NRG1: variants seen among roughly 807,000 people sequenced by gnomAD.
NRG1 encodes the protein neuregulin 1.
A neutral mutation model predicts 63.8 loss-of-function variants in NRG1; 18 were observed. The observed-to-expected ratio is 0.28, with a 90% CI of 0.19 to 0.42. The LOEUF (loss-of-function observed/expected upper bound fraction) is 0.42, where lower values mean the gene tolerates loss of function less well. NRG1 is among the 10% of genes least tolerant of loss of function. The probability of loss-of-function intolerance (pLI) is 1.00; values close to 1 mark genes in which losing one functional copy is unlikely to be tolerated. For missense variants in NRG1, 762 were observed against 814.7 expected (o/e 0.94, Z 0.79); for synonymous variants, 302 against 301.3 (o/e 1.00, Z -0.02).
intron 1 of NRG1, among the ~76,000 whole-genome samples, chr8:31,735,771 C>T (rs751516860): frequency 4.6e-5 from 7 of 152,276 alleles, no homozygotes; most frequent in Admixed American, 3.3e-4. Flanking sequence ...CCCACAGCCT[C>T]GCAAGATGGC....
intron 1 of NRG1, among the ~76,000 whole-genome samples, chr8:32,405,190 G>T (rs1421520994): frequency 6.6e-6 from 1 of 152,148 alleles, no homozygotes; most frequent in Non-Finnish European, 1.5e-5. Context: ...GAAGTTATGT[G>T]TTCTCTCTTC....
intron 1 of NRG1, among the ~76,000 whole-genome samples, chr8:32,249,761 A>G (rs1848915061): frequency 6.6e-6 from 1 of 152,152 alleles, no homozygotes; most frequent in African/African-American, 2.4e-5. Context: ...TGAGTAAACA[A>G]AGATCCCAGT....
Position 32,706,573 on chromosome 8 carries a change from T to TGTG in NRG1, c.503-21376_503-21375insGTG, listed in dbSNP as rs1816487676. Among the ~76,000 whole-genome samples, 10 of 140,564 alleles carry TGTG rather than the reference T, an allele frequency of 7.1e-5. No homozygotes were observed. In the South Asian group the frequency reaches 2.3e-3, roughly 33 times the overall value. 92.2% of individuals were successfully genotyped at this position (140,564 alleles called of 152,430 possible). A position where few individuals can be genotyped will look rare whatever the true frequency, so the allele number is the denominator to read the frequency against. On this transcript the variant is annotated intron_variant, in intron 5 of 11. Transcript: ENST00000356819. ...TATAGGTGTGTGTGTGTGTGTGTGT[T>TGTG]TGTGTGTAATTTTACAAGACTGTAG...
chr8:32,728,432 A>G (rs193271535), intron 6 of NRG1: 1 of 985,292 alleles, frequency 1.0e-6, no homozygotes, highest in African/African-American at 1.7e-5. Flanking sequence ...TCTACATCCA[A>G]TGTATGAATT....
At chr8:32,489,798 G>A (rs115718602) in intron 1 of NRG1, among the ~76,000 whole-genome samples, 1,775 of 152,166 alleles carry the variant, frequency 0.012, 30 homozygotes, top group African/African-American at 0.041. Context: ...TGTCATCACC[G>A]CCACTTTAAT....
At position 32,552,142 on chromosome 8, in the gene NRG1, C is replaced by T. The variant is rs562624166; in HGVS notation, c.100+3316C>T. Among the ~76,000 whole-genome samples, 28 of 151,204 alleles carry T rather than the reference C, an allele frequency of 1.9e-4. No homozygotes were observed. In the East Asian group the frequency reaches 3.5e-3, roughly 19 times the overall value. ...GCCAGGATGGTGTCGATCTCTTGACCTCGCAATCCACATGCCTCGGCCTCC... is the reference window on the plus strand; with the variant it reads ...GCCAGGATGGTGTCGATCTCTTGACTTCGCAATCCACATGCCTCGGCCTCC... On this transcript the variant is annotated intron_variant, in intron 1 of 11. Transcript: ENST00000356819.
intron 1 of NRG1, among the ~76,000 whole-genome samples, chr8:31,690,056 A>G (rs1809332132): frequency 6.6e-6 from 1 of 152,172 alleles, no homozygotes. Flanking sequence ...TTTTACCTCC[A>G]TGCTTTTCTC....
intron 1 of NRG1, among the ~76,000 whole-genome samples, chr8:32,565,414 C>G (rs914679528): frequency 1.3e-5 from 2 of 152,186 alleles, no homozygotes; most frequent in African/African-American, 4.8e-5. Context: ...AACCATTATG[C>G]CCGGTCTAGA....
chr8:32,561,605 T>G (rs1836413200), intron 1 of NRG1, among the ~76,000 whole-genome samples: 1 of 152,198 alleles, frequency 6.6e-6, no homozygotes, highest in South Asian at 2.1e-4. Flanking sequence ...GTAAATTATG[T>G]GCATGCAAAA....
intron 1 of NRG1, among the ~76,000 whole-genome samples, chr8:32,484,468 A>T (rs905606174): frequency 5.9e-5 from 9 of 152,246 alleles, no homozygotes; most frequent in African/African-American, 2.2e-4. Context: ...AGAAGTTGAC[A>T]TGGGCTTTGA....
intron 2 of NRG1, 59 bp downstream of exon 2, chr8:32,596,064 G>A: frequency 7.4e-7 from 1 of 1,345,814 alleles, no homozygotes; most frequent in South Asian, 1.5e-5. Flanking sequence ...ACATATAAAT[G>A]TTATTTAGAC....
rs144669970 is a variant in NRG1 at position 32,162,243 on chromosome 8, A to G, written c.38-433585A>G. On this transcript the variant is annotated intron_variant, in intron 1 of 10. Transcript: ENST00000519301. ...ATGAAAGAAATATTTGATCTCAGAA[A>G]GAATTTTATCTATCATGATGGAATG... 4.9e-3 allele frequency among the ~76,000 whole-genome samples: 749 copies of G among 152,316 alleles called. 5 individuals are homozygous for G. The highest frequency in any genetic ancestry group is 0.017 in the African/African-American group (718 of 41,562).
intron 1 of NRG1, among the ~76,000 whole-genome samples, chr8:31,701,444 T>A (rs571919926): frequency 6.6e-6 from 1 of 152,280 alleles, no homozygotes; most frequent in African/African-American, 2.4e-5. Context: ...CGAACTTAAT[T>A]CTTTGTTTGA....
Position 32,104,012 on chromosome 8 carries a change from C to T in NRG1, c.37+464581C>T, listed in dbSNP as rs554125455. 5.9e-4 allele frequency among the ~76,000 whole-genome samples: 90 copies of T among 152,226 alleles called. No homozygotes were observed. The South Asian group carries it at 0.018, about 30-fold the overall frequency. ...AGTCCAAATAGTCTCTGGAACTAGA[C>T]GATTCTGGATTCCAAATATAGACAT... On this transcript the variant is annotated intron_variant, in intron 1 of 10. Transcript: ENST00000519301.
chr8:32,312,824 G>GCCTT (rs1221561127), intron 1 of NRG1, among the ~76,000 whole-genome samples: 3 of 149,694 alleles, frequency 2.0e-5, no homozygotes, highest in East Asian at 2.0e-4. Context: ...CTTCCTGTTT[G>GCCTT]CCTTCCTTCC....
intron 1 of NRG1, among the ~76,000 whole-genome samples, chr8:31,826,376 T>C (rs1824561768): frequency 6.6e-6 from 1 of 152,264 alleles, no homozygotes; most frequent in East Asian, 1.9e-4. Flanking sequence ...GTTCTCGTGA[T>C]AGTAAATAAG....
intron 3 of NRG1, among the ~76,000 whole-genome samples, chr8:32,612,438 G>C (rs985387303): frequency 1.3e-5 from 2 of 151,940 alleles, no homozygotes; most frequent in African/African-American, 4.8e-5. Flanking sequence ...ATTTCCTCCA[G>C]GGTTAATTCA....
intron 5 of NRG1, among the ~76,000 whole-genome samples, chr8:32,637,554 T>C (rs1851567743): frequency 6.6e-6 from 1 of 152,190 alleles, no homozygotes; most frequent in South Asian, 2.1e-4. Context: ...GATTCCCAGA[T>C]ACTGATAATT....
At chr8:32,308,286 G>A (rs574859557) in intron 1 of NRG1, among the ~76,000 whole-genome samples, 71 of 152,176 alleles carry the variant, frequency 4.7e-4, no homozygotes, top group African/African-American at 1.7e-3. Flanking sequence ...TTAGACTTTC[G>A]TCATTCCATT....
Sources: allele counts gnomAD v4.1 joint callset (sites outside exome capture counted in the v4.1 genomes callset), GRCh38; gene constraint gnomAD v4.1.1; transcripts MANE v1.5; gene names NCBI Gene and HGNC (gene_info 2026-07-23, HGNC 2026-07-21).